AKAP14: variants seen among roughly 807,000 people sequenced by gnomAD.
The protein encoded by AKAP14 is A-kinase anchoring protein 14.
Under a neutral mutation model 17.0 loss-of-function variants are expected in AKAP14, and 4 were observed. The observed-to-expected ratio is 0.23, with a 90% CI of 0.12 to 0.54. The LOEUF is 0.54. Among genes scored for constraint, AKAP14 ranks in the 20% least tolerant of loss-of-function variants. The pLI is 0.95. For missense variants in AKAP14, 129 were observed against 150.9 expected, an observed-to-expected ratio of 0.85 and a Z score of 0.76; for synonymous variants, 42 against 51.3, an observed-to-expected ratio of 0.82 and a Z score of 0.77.
At chrX:119,914,908 G>T in intron 5 of AKAP14, 30 bp downstream of exon 5, 1 of 1,162,327 alleles carries the variant, frequency 8.6e-7, no homozygotes, top group South Asian at 1.9e-5. Flanking sequence ...CCTTCAGTGA[G>T]GCTTCAGTGA....
intron 4 of AKAP14, among the ~76,000 whole-genome samples, chrX:119,907,690 C>A (rs372144896): frequency 5.4e-5 from 6 of 110,223 alleles, no homozygotes; most frequent in East Asian, 5.8e-4. Context: ...AACTCCTGGC[C>A]TCAAGTGGTC....
At chrX:119,916,441 T>TATC (rs1234246307) in intron 5 of AKAP14, among the ~76,000 whole-genome samples, 2 of 86,314 alleles carry the variant, frequency 2.3e-5, no homozygotes, top group South Asian at 4.6e-4. Flanking sequence ...CTAATCTATC[T>TATC]ATCTATCTAT....
chrX:119,920,018 C>A (rs1347456766), intron 6 of AKAP14, 55 bp downstream of exon 6: 1 of 1,109,369 alleles, frequency 9.0e-7, no homozygotes, highest in South Asian at 1.9e-5. Context: ...TCATCACACT[C>A]CAGGAATCCA....
In AKAP14 at chrX:119,903,555, A is replaced by C; in HGVS notation, c.230A>C (p.Lys77Thr). 1 of 1,211,766 alleles carries C rather than the reference A, an allele frequency of 8.3e-7. No individual in the cohort carries two copies. The highest frequency in any genetic ancestry group is 1.1e-6 in the Non-Finnish European group (1 of 895,465). ...WMTHGEFTVE[K>T]GLKQIDEYFS... is the part of the protein sequence containing the mutation. ...ACTCACGGTGAATTCACTGTGGAAA[A>C]GGGTCTTAAACAAATTGACGAATAT... The change falls in exon 4 of 7, where the codon AAG (lysine) becomes ACG (threonine). Residue 77 changes from lysine to threonine, a missense_variant. Transcript: ENST00000371431.
At chrX:119,896,805 C>CTTTTTTTTTTTTTTT (rs765107118) in intron 2 of AKAP14, among the ~76,000 whole-genome samples, 2 of 70,768 alleles carry the variant, frequency 2.8e-5, no homozygotes, top group Non-Finnish European at 2.5e-5. Context: ...CTTTTCTTTT[C>CTTTTTTTTTTTTTTT]TTTTTTTCTT....
At chrX:119,900,531 C>T (rs776438316) in intron 2 of AKAP14, among the ~76,000 whole-genome samples, 1 of 111,886 alleles carries the variant, frequency 8.9e-6, no homozygotes, top group Non-Finnish European at 1.9e-5. Flanking sequence ...CCGTGCCTGG[C>T]CATGTTTTTT....
At chrX:119,905,032 C>T (rs34544642) in intron 4 of AKAP14, among the ~76,000 whole-genome samples, 3,662 of 109,401 alleles carry the variant, frequency 0.033, 164 homozygotes, top group African/African-American at 0.12. Flanking sequence ...GCCTGGGTGA[C>T]AGAGTGAGAC....
At chrX:119,912,895 G>A (rs990475353) in intron 4 of AKAP14, among the ~76,000 whole-genome samples, 8 of 110,995 alleles carry the variant, frequency 7.2e-5, no homozygotes, top group Non-Finnish European at 1.3e-4. Context: ...TGGTGGGACT[G>A]TATTCCCATC....
chrX:119,897,335 A>G (rs2056535732), intron 2 of AKAP14, among the ~76,000 whole-genome samples: 1 of 107,690 alleles, frequency 9.3e-6, no homozygotes, highest in Admixed American at 1.0e-4. Context: ...AATTTTTTGT[A>G]TTTTTAGTAG....
chrX:119,919,823 G>A, intron 5 of AKAP14, 88 bp from the exon 6 acceptor site: 1 of 1,016,095 alleles, frequency 9.8e-7, no homozygotes, highest in Non-Finnish European at 1.4e-6. Context: ...TTACACCTGG[G>A]AGACAGAGCA....
At chrX:119,910,350 C>T (rs1332619178) in intron 4 of AKAP14, among the ~76,000 whole-genome samples, 1 of 111,646 alleles carries the variant, frequency 9.0e-6, no homozygotes, top group East Asian at 2.8e-4. Flanking sequence ...CCTGTACTCC[C>T]TCTCCACATT....
At chrX:119,908,980 C>T (rs899536046) in intron 4 of AKAP14, among the ~76,000 whole-genome samples, 1 of 111,115 alleles carries the variant, frequency 9.0e-6, no homozygotes, top group Non-Finnish European at 1.9e-5. Flanking sequence ...AAGCACTGAG[C>T]GGGCTGCTCA....
intron 4 of AKAP14, 140 bp downstream of exon 4, chrX:119,903,726 TC>T (rs2056582046): frequency 1.9e-6 from 2 of 1,057,061 alleles, no homozygotes; most frequent in African/African-American, 1.9e-5. Context: ...AAACATCATC[TC>T]CATCTCAGTT....
intron 5 of AKAP14, among the ~76,000 whole-genome samples, chrX:119,915,725 C>T (rs778068281): frequency 3.6e-5 from 4 of 111,577 alleles, no homozygotes; most frequent in African/African-American, 9.7e-5. Flanking sequence ...AGGCTGCTCT[C>T]GAACTCCTGA....
At position 119,914,895 on chromosome X, in the gene AKAP14, C is replaced by G; in HGVS notation, c.441+17C>G. ...AAACCACCGGTAAGTTCTTCTTTTTCTCCCTTCAGTGAGGCTTCAGTGAGA... is the reference window on the plus strand; with the variant it reads ...AAACCACCGGTAAGTTCTTCTTTTTGTCCCTTCAGTGAGGCTTCAGTGAGA... On this transcript the variant is annotated intron_variant, in intron 5 of 6. Transcript: ENST00000371431. 9.2e-6 allele frequency: 11 copies of G among 1,191,181 alleles called. No individual in the cohort carries two copies. Among genetic ancestry groups the G allele is most frequent in the Non-Finnish European group, 1.1e-5 (10 of 880,524 alleles).
chrX:119,920,062 G>C, intron 6 of AKAP14, 99 bp downstream of exon 6: 1 of 897,659 alleles, frequency 1.1e-6, no homozygotes, highest in Non-Finnish European at 1.6e-6. Context: ...TCATGTAATG[G>C]TCACTTTTCT....
intron 4 of AKAP14, among the ~76,000 whole-genome samples, chrX:119,912,318 T>C (rs1180030567): frequency 9.0e-6 from 1 of 110,712 alleles, no homozygotes; most frequent in African/African-American, 3.3e-5. Context: ...GGGTGGGGGA[T>C]TGGAGAAGTG....
At chrX:119,907,738 C>T (rs1267548892) in intron 4 of AKAP14, among the ~76,000 whole-genome samples, 2 of 111,329 alleles carry the variant, frequency 1.8e-5, no homozygotes, top group Non-Finnish European at 3.8e-5. Flanking sequence ...GGATTACTGC[C>T]AGCCACTGGC....
chrX:119,914,681 CTTTT>C lies in AKAP14; in HGVS notation c.262-15_262-12del. On this transcript the variant is annotated splice_polypyrimidine_tract_variant and intron_variant, in intron 4 of 6. Coordinates refer to ENST00000371431, the MANE Select transcript of AKAP14 (RefSeq NM_178813.6). ...GCTTTTCTTTTTCTGTGTGCTTTTTCTTTTTTCTATGAAACAGAAGTGTGTTTCT... is the reference window on the plus strand; with the variant it reads ...GCTTTTCTTTTTCTGTGTGCTTTTTCTTCTATGAAACAGAAGTGTGTTTCT... The C allele has an allele frequency of 8.4e-7, 1 of 1,188,484 alleles. No individual in the cohort carries two copies. The highest frequency in any genetic ancestry group is 1.1e-6 in the Non-Finnish European group (1 of 886,133).
Sources: allele counts gnomAD v4.1 joint callset (sites outside exome capture counted in the v4.1 genomes callset), GRCh38; gene constraint gnomAD v4.1.1; transcripts MANE v1.5; gene names NCBI Gene and HGNC (gene_info 2026-07-23, HGNC 2026-07-21).